The following RYR1 variants were observed in gnomAD, a reference collection of about 807,000 sequenced individuals.
RYR1 encodes ryanodine receptor 1, also known as central core disease of muscle.
RYR1 carries 342 observed loss-of-function variants against 583.5 expected under a neutral mutation model. The ratio of observed to expected loss-of-function variants is 0.59; its 90% CI spans 0.54 to 0.64. The LOEUF is 0.64. RYR1 is among the 30% of genes least tolerant of loss of function. The probability of loss-of-function intolerance (pLI) is 0.00; values close to 1 mark genes in which losing one functional copy is unlikely to be tolerated. For synonymous variants in RYR1, 2,791 were observed against 2,822.5 expected, an observed-to-expected ratio of 0.99 and a Z score of 0.35; for missense variants, 6,032 against 6,917.2, an observed-to-expected ratio of 0.87 and a Z score of 4.54.
intron 23 of RYR1, among the ~76,000 whole-genome samples, chr19:38,465,507 G>A (rs1291986213): frequency 6.6e-6 from 1 of 152,126 alleles, no homozygotes; most frequent in Non-Finnish European, 1.5e-5. Flanking sequence ...GCTCACGCCT[G>A]TAATCCGAGC....
Position 38,565,215 on chromosome 19 carries a change from C to T in RYR1, c.12881C>T (p.Thr4294Met), listed in dbSNP as rs587784372. 1.0e-3 allele frequency: 1,021 copies of T among 993,236 alleles called. 8 individuals are homozygous for T. The African/African-American group carries it at 0.016, about 15-fold the overall frequency. The allele number at this position is 993,236 out of a possible 1,614,324, so 61.5% of individuals were successfully genotyped here. A position where few individuals can be genotyped will look rare whatever the true frequency, so the allele number is the denominator to read the frequency against. ...GTAATAAAGATARVVAAAGRA... is the reference protein window; with the variant it reads ...GTAATAAAGAMARVVAAAGRA... Reference sequence around the variant, plus strand: ...GCGGCCACGGCGGCGGCGGGGGCGACGGCGCGGGTTGTGGCGGCCGCAGGC... The same window carrying T: ...GCGGCCACGGCGGCGGCGGGGGCGATGGCGCGGGTTGTGGCGGCCGCAGGC... The change falls in exon 91 of 106, where the codon ACG becomes ATG. Residue 4294 changes from threonine to methionine, a missense_variant. Transcript: ENST00000359596. The surrounding 1 kb of genome is among the most constrained non-coding windows in gnomAD (Gnocchi z 4.7).
intron 19 of RYR1, among the ~76,000 whole-genome samples, 164 bp downstream of exon 19, chr19:38,459,502 C>T (rs1386034943): frequency 5.3e-5 from 8 of 152,150 alleles, no homozygotes; most frequent in East Asian, 1.9e-4. Flanking sequence ...GGGACCTCCA[C>T]GTGACTCCAG....
Position 38,500,803 on chromosome 19 carries a change from C to T in RYR1, c.7445-18C>T, listed in dbSNP as rs1387505802. Reference sequence around the variant, plus strand: ...TGGGTCCGCAGGGCATCCCCGAACCCACCCTCCCTGCCTGCAGATGGGGCT... The same window carrying T: ...TGGGTCCGCAGGGCATCCCCGAACCTACCCTCCCTGCCTGCAGATGGGGCT... On this transcript the variant is annotated intron_variant, in intron 46 of 105. Coordinates refer to ENST00000359596, the MANE Select transcript of RYR1 (RefSeq NM_000540.3). The surrounding 1 kb of genome is among the most constrained non-coding windows in gnomAD (Gnocchi z 5.9). 2.5e-6 allele frequency: 4 copies of T among 1,613,820 alleles called. No homozygotes were observed. The highest frequency in any genetic ancestry group is 2.5e-6 in the Non-Finnish European group (3 of 1,179,944).
At chr19:38,495,192 A>C (rs1246603243) in intron 39 of RYR1, among the ~76,000 whole-genome samples, 1 of 151,986 alleles carries the variant, frequency 6.6e-6, no homozygotes, top group Non-Finnish European at 1.5e-5. Flanking sequence ...TCATCTGTAA[A>C]ACCGGGGAGA....
chr19:38,572,080 G>T lies in RYR1; in HGVS notation c.13808G>T (p.Gly4603Val), dbSNP rs747880466. The T allele has an allele frequency of 6.2e-7, 1 of 1,614,062 alleles. No homozygotes were observed. The highest frequency in any genetic ancestry group is 1.7e-5 in the Admixed American group (1 of 59,992). ...GGCTCAGCTGCTGGGGATGTGTCAGGTGCAGGCTCTGGTGGCAGCTCTGGC... is the reference window on the plus strand; with the variant it reads ...GGCTCAGCTGCTGGGGATGTGTCAGTTGCAGGCTCTGGTGGCAGCTCTGGC... ...MEGSAAGDVS[G>V]AGSGGSSGWG... The change falls in exon 95 of 106, where the codon GGT becomes GTT. Residue 4603 changes from glycine to valine, a missense_variant. Coordinates refer to ENST00000359596, the MANE Select transcript of RYR1 (RefSeq NM_000540.3).
chr19:38,549,997 C>G (rs766920471), intron 89 of RYR1, among the ~76,000 whole-genome samples: 2 of 151,504 alleles, frequency 1.3e-5, no homozygotes, highest in African/African-American at 4.9e-5. Flanking sequence ...CTCAAGTGAT[C>G]TGCCTGCCTC....
At position 38,527,704 on chromosome 19, in the gene RYR1, C is replaced by G; in HGVS notation, c.10744C>G (p.Arg3582Gly). The G allele has an allele frequency of 1.2e-6, 2 of 1,614,052 alleles. No individual in the cohort carries two copies. The highest frequency in any genetic ancestry group is 8.5e-7 in the Non-Finnish European group (1 of 1,180,018). Residue 3582 changes from arginine (R) to glycine (G), a missense_variant, in exon 73 of 106, where the codon CGC (arginine) becomes GGC (glycine). Coordinates refer to ENST00000359596, the MANE Select transcript of RYR1 (RefSeq NM_000540.3). ...QMALYRGVPG[R>G]EEDADDPEKI... ...GGCTCTGTACCGGGGCGTCCCGGGT[C>G]GCGAGGAGGACGCCGATGACCCCGA...
chr19:38,532,602 C>T (rs1971790802), intron 77 of RYR1, 61 bp downstream of exon 77: 1 of 1,613,642 alleles, frequency 6.2e-7, no homozygotes, highest in East Asian at 2.2e-5. Flanking sequence ...AGTGCTTGTC[C>T]ACAAAAAGGG....
At chr19:38,487,525 T>C (rs974693683) in intron 34 of RYR1, among the ~76,000 whole-genome samples, 7 of 152,150 alleles carry the variant, frequency 4.6e-5, no homozygotes, top group Non-Finnish European at 8.8e-5. Flanking sequence ...GGCTAATTTT[T>C]GTATTTTTAA....
chr19:38,512,514 G>C lies in RYR1; in HGVS notation c.9472+31G>C. ...GGCGCCTGACCCAAGGGCAGGTTGCGGGGAGTCAGTGTGGCCAACACCACC... is the reference window on the plus strand; with the variant it reads ...GGCGCCTGACCCAAGGGCAGGTTGCCGGGAGTCAGTGTGGCCAACACCACC... On this transcript the variant is annotated intron_variant, in intron 63 of 105. Transcript: ENST00000359596. The surrounding 1 kb of genome is among the most constrained non-coding windows in gnomAD (Gnocchi z 5.1). 1.9e-6 allele frequency: 3 copies of C among 1,597,364 alleles called. No homozygotes were observed. The highest frequency in any genetic ancestry group is 1.3e-5 in the African/African-American group (1 of 74,952).
In RYR1 at chr19:38,505,362, C is replaced by A; in HGVS notation, c.8364C>A (p.His2788Gln). 1 of 1,612,246 alleles carries A rather than the reference C, an allele frequency of 6.2e-7. No individual in the cohort carries two copies. Among genetic ancestry groups the A allele is most frequent in the Non-Finnish European group, 8.5e-7 (1 of 1,179,190 alleles). ...GENIDEELKT[H>Q]PMLRPYKTFS... ...ACATAGACGAGGAGCTGAAGACCCA[C>A]CCCATGCTGAGGCCCTACAAGACCT... The change falls in exon 53 of 106, where the codon CAC becomes CAA. Residue 2788 changes from histidine to glutamine, a missense_variant. By Grantham distance (24) the His-to-Gln change is conservative. Around this residue, in one of 11 missense-constraint regions of RYR1, gnomAD observed 1,493 missense variants for 1,715.5 expected, o/e 0.87. Transcript: ENST00000359596.
In RYR1 at chr19:38,496,424, AAGATG is replaced by A; in HGVS notation, c.6680_6684del (p.Lys2227SerfsTer24). 1 of 1,613,828 alleles carries A rather than the reference AAGATG, an allele frequency of 6.2e-7. No homozygotes were observed. ...CCTGTCCCAGGAGATCCGCTTCCCC[AAGATG>A]GTGACAAGCTGCTGCCGCTTCCTCT... On this transcript the variant is annotated frameshift_variant, in exon 41 of 106. Transcript: ENST00000359596. LOFTEE classifies it high-confidence loss of function. The surrounding 1 kb of genome is among the most constrained non-coding windows in gnomAD (Gnocchi z 4.8).
Position 38,444,828 on chromosome 19 carries a change from C to G in RYR1, c.631+151C>G. The G allele has an allele frequency of 1.6e-6, 1 of 645,112 alleles. No individual in the cohort carries two copies. Among genetic ancestry groups the G allele is most frequent in the South Asian group, 1.8e-5 (1 of 55,982 alleles). The allele number at this position is 645,112 out of a possible 1,614,324, so 40.0% of individuals were successfully genotyped here. A position where few individuals can be genotyped will look rare whatever the true frequency, so the allele number is the denominator to read the frequency against. ...CTCTCACACTTAGATCTCCAGCTGA[C>G]CCCAAATCCAGACCCCCAGAGCTCA... On this transcript the variant is annotated intron_variant, in intron 7 of 105. Transcript: ENST00000359596. This position sits in a 1 kb window ranked among gnomAD's most constrained non-coding sequence, Gnocchi z 5.1.
chr19:38,455,355 C>T lies in RYR1; in HGVS notation c.1561C>T (p.Leu521Phe), dbSNP rs750009277. Residue 521 changes from leucine (L) to phenylalanine (F), a missense_variant, in exon 14 of 106, where the codon CTC becomes TTC. Leu to Phe is a conservative substitution (Grantham distance 22). Around this residue, in one of 11 missense-constraint regions of RYR1, gnomAD observed 2,627 missense variants for 2,961.3 expected, o/e 0.89. Transcript: ENST00000359596. ...GTCCTGGAAAGAGATTGTGAATCTT[C>T]TCTATGAACTCCTAGGTAGGGGTCC... Reference protein sequence around the residue: ...AESWKEIVNLLYELLASLIRG... With the variant: ...AESWKEIVNLFYELLASLIRG... 10 of 1,614,018 alleles carry T rather than the reference C, an allele frequency of 6.2e-6. No homozygotes were observed. In the Admixed American group the frequency reaches 1.7e-4, roughly 27 times the overall value.
rs1259807854 is a variant in RYR1 at position 38,528,308 on chromosome 19, C to A, written c.10827C>A (p.Thr3609=). The A allele has an allele frequency of 6.2e-7, 1 of 1,613,984 alleles. No homozygotes were observed. ...VSAVLYYLDQ[T]EHPYKSKKAV... is the part of the protein sequence containing the mutation. ...CTGTCCTGCTATCCCCTCCCCAGAC[C>A]GAGCACCCTTACAAGTCTAAGAAGG... is the stretch of plus-strand genomic sequence containing the variant. The change falls in exon 74 of 106, where the codon ACC becomes ACA. Residue 3609 remains threonine, a splice_region_variant and synonymous_variant. Coordinates refer to ENST00000359596, the MANE Select transcript of RYR1 (RefSeq NM_000540.3).
intron 88 of RYR1, among the ~76,000 whole-genome samples, chr19:38,547,205 ATTTTTTTT>A: frequency 8.1e-6 from 1 of 123,640 alleles, no homozygotes; most frequent in African/African-American, 3.0e-5. Flanking sequence ...CACCTGGCTA[ATTTTTTTT>A]TTTTTTTTTT....
intron 58 of RYR1, among the ~76,000 whole-genome samples, chr19:38,510,185 T>A (rs73030997): frequency 0.05 from 7,674 of 152,004 alleles, 333 homozygotes; most frequent in South Asian, 0.22. Context: ...GCTTGGTGTG[T>A]GGGAGCATGT....
At chr19:38,530,099 G>T (rs1001188702) in intron 76 of RYR1, among the ~76,000 whole-genome samples, 1 of 151,740 alleles carries the variant, frequency 6.6e-6, no homozygotes, top group African/African-American at 2.4e-5. Flanking sequence ...GATTACAGGC[G>T]CCCACCACTA....
In RYR1 at chr19:38,483,067, T is replaced by G. The variant is rs1447801033; in HGVS notation, c.4661T>G (p.Leu1554Arg). The G allele has an allele frequency of 1.9e-6, 3 of 1,614,136 alleles. No homozygotes were observed. In the South Asian group the frequency reaches 3.3e-5, roughly 18 times the overall value. ...NTKLFPAVFV[L>R]PTHQNVIQFE... Reference sequence around the variant, plus strand: ...AAGCTATTTCCTGCCGTCTTCGTCCTGCCCACCCACCAGAACGTCATCCAG... The same window carrying G: ...AAGCTATTTCCTGCCGTCTTCGTCCGGCCCACCCACCAGAACGTCATCCAG... The change falls in exon 32 of 106, where the codon CTG (leucine) becomes CGG (arginine). Residue 1554 changes from leucine to arginine, a missense_variant. Transcript: ENST00000359596. The surrounding 1 kb of genome is among the most constrained non-coding windows in gnomAD (Gnocchi z 6.3).
Sources: allele counts gnomAD v4.1 joint callset (sites outside exome capture counted in the v4.1 genomes callset), GRCh38; gene constraint gnomAD v4.1.1; regional missense constraint gnomAD v4.1.1; non-coding constraint Gnocchi (gnomAD v3.1); transcripts MANE v1.5; gene names NCBI Gene and HGNC (gene_info 2026-07-23, HGNC 2026-07-21).